The following TRAPPC9 variants were observed in gnomAD, a reference collection of about 807,000 sequenced individuals.
TRAPPC9 encodes trafficking protein particle complex subunit 9.
In TRAPPC9, 83 loss-of-function variants were observed where a neutral mutation model predicts 124.0. The ratio of observed to expected loss-of-function variants is 0.67; its 90% CI spans 0.56 to 0.80. TRAPPC9 has a LOEUF of 0.80. Among genes scored for constraint, TRAPPC9 ranks in the 30% least tolerant of loss-of-function variants. TRAPPC9 has a pLI of 0.00. For missense variants in TRAPPC9, 1,302 were observed against 1,508.3 expected, an observed-to-expected ratio of 0.86 and a Z score of 2.27; for synonymous variants, 638 against 617.5, an observed-to-expected ratio of 1.03 and a Z score of -0.49.
chr8:140,372,557 T>C (rs2068313618), intron 7 of TRAPPC9, among the ~76,000 whole-genome samples: 1 of 152,198 alleles, frequency 6.6e-6, no homozygotes. Context: ...ACGGTTTGAA[T>C]GTTTGTGCCT....
chr8:140,028,933 C>T (rs1840325381), intron 17 of TRAPPC9, among the ~76,000 whole-genome samples: 1 of 152,146 alleles, frequency 6.6e-6, no homozygotes, highest in Non-Finnish European at 1.5e-5. Flanking sequence ...AACAACTATA[C>T]TAAAACCTAC....
chr8:140,359,356 C>T (rs1041836881), intron 9 of TRAPPC9, among the ~76,000 whole-genome samples: 2 of 152,200 alleles, frequency 1.3e-5, no homozygotes, highest in Admixed American at 6.5e-5. Context: ...TTTGGGGCAG[C>T]TGAGCCCCAA....
chr8:139,734,023 C>A (rs577372187), intron 21 of TRAPPC9, among the ~76,000 whole-genome samples: 3 of 152,230 alleles, frequency 2.0e-5, no homozygotes, highest in Admixed American at 1.3e-4. Flanking sequence ...AGACCCCAAG[C>A]CACTCTTTCG....
At chr8:139,767,689 C>G (rs1344231927) in intron 21 of TRAPPC9, among the ~76,000 whole-genome samples, 1 of 152,222 alleles carries the variant, frequency 6.6e-6, no homozygotes, top group Non-Finnish European at 1.5e-5. Flanking sequence ...AAATAACAAG[C>G]AGGACAAGCA....
chr8:140,170,523 T>C (rs929394284), intron 17 of TRAPPC9, among the ~76,000 whole-genome samples: 3 of 152,102 alleles, frequency 2.0e-5, no homozygotes, highest in Non-Finnish European at 4.4e-5. Context: ...GGTAGAAAAA[T>C]AGTCTTTACC....
chr8:140,129,305 G>A (rs2061159795), intron 17 of TRAPPC9, among the ~76,000 whole-genome samples: 1 of 152,122 alleles, frequency 6.6e-6, no homozygotes. Flanking sequence ...CACCGACTGA[G>A]GAGGATGCCC....
chr8:140,186,200 G>A (rs936623413), intron 17 of TRAPPC9, among the ~76,000 whole-genome samples: 1 of 152,182 alleles, frequency 6.6e-6, no homozygotes, highest in African/African-American at 2.4e-5. Context: ...CCCCATTAAA[G>A]AATTTCTATA....
intron 17 of TRAPPC9, among the ~76,000 whole-genome samples, chr8:140,116,809 C>T (rs545423843): frequency 9.2e-5 from 14 of 151,998 alleles, no homozygotes; most frequent in African/African-American, 3.1e-4. Context: ...GCAGCAGCGA[C>T]GGTGGGGCTG....
intron 17 of TRAPPC9, among the ~76,000 whole-genome samples, chr8:140,153,318 C>T (rs1587818401): frequency 6.6e-6 from 1 of 152,194 alleles, no homozygotes; most frequent in Admixed American, 6.5e-5. Context: ...TACTTCTTCC[C>T]TCCATGATTT....
At chr8:140,378,340 C>T (rs2068506123) in intron 7 of TRAPPC9, among the ~76,000 whole-genome samples, 1 of 152,152 alleles carries the variant, frequency 6.6e-6, no homozygotes, top group Non-Finnish European at 1.5e-5. Flanking sequence ...ACCCACACTT[C>T]ATCTGCTGCC....
chr8:140,439,227 T>C, intron 2 of TRAPPC9, 30 bp from the exon 3 acceptor site: 1 of 1,612,580 alleles, frequency 6.2e-7, no homozygotes, highest in Non-Finnish European at 8.5e-7. Flanking sequence ...GTATCTTTAT[T>C]ACTATACAAC....
intron 14 of TRAPPC9, among the ~76,000 whole-genome samples, chr8:140,280,988 G>A (rs527274318): frequency 1.3e-5 from 2 of 152,300 alleles, no homozygotes; most frequent in East Asian, 1.9e-4. Context: ...CCTTCATTGC[G>A]GAGTGGTGTT....
intron 17 of TRAPPC9, chr8:140,039,646 A>G (rs1344493771): frequency 2.6e-5 from 4 of 152,212 alleles, no homozygotes; most frequent in Non-Finnish European, 5.9e-5. Flanking sequence ...TTGATAAAAA[A>G]CTTGATGTAT....
At chr8:140,049,420 C>T (rs553394279) in intron 17 of TRAPPC9, among the ~76,000 whole-genome samples, 89 of 152,222 alleles carry the variant, frequency 5.8e-4, no homozygotes, top group Admixed American at 1.8e-3. Flanking sequence ...TGCTATTGTA[C>T]CCGGGCTCCT....
rs183594423 is a variant in TRAPPC9, at chr8:140,340,482, G to A, written c.1495+19568C>T. On this transcript the variant is annotated intron_variant, in intron 9 of 22. Coordinates refer to ENST00000438773, the MANE Select transcript of TRAPPC9 (RefSeq NM_001160372.4). ...ACTGCCCACCTGCCTAGTGGGTGAA[G>A]TAAGCAAACACACCAGCACTGTTGA... Among the ~76,000 whole-genome samples, 452 of 152,348 alleles carry A rather than the reference G, an allele frequency of 3.0e-3. 3 individuals are homozygous for A. Among genetic ancestry groups the A allele is most frequent in the South Asian group, 0.016 (78 of 4,824 alleles).
chr8:140,285,550 C>A (rs2065458501), intron 13 of TRAPPC9, among the ~76,000 whole-genome samples: 1 of 152,166 alleles, frequency 6.6e-6, no homozygotes, highest in Non-Finnish European at 1.5e-5. Flanking sequence ...TGTGTAAGAA[C>A]CCAGGTCGGC....
chr8:140,361,969 CA>C (rs1176068703), intron 8 of TRAPPC9, among the ~76,000 whole-genome samples: 1 of 152,150 alleles, frequency 6.6e-6, no homozygotes, highest in Admixed American at 6.5e-5. Context: ...GACGTTGCTC[CA>C]AGGGTTCCAC....
intron 9 of TRAPPC9, among the ~76,000 whole-genome samples, chr8:140,351,053 T>C (rs2067554064): frequency 6.6e-6 from 1 of 151,320 alleles, no homozygotes; most frequent in Non-Finnish European, 1.5e-5. Context: ...TGGCTGGGCC[T>C]CTCAACGAAT....
Position 140,028,786 on chromosome 8 carries a change from T to A in TRAPPC9, c.2557-4707A>T, listed in dbSNP as rs950990366. On this transcript the variant is annotated intron_variant, in intron 17 of 22. Coordinates refer to ENST00000438773, the MANE Select transcript of TRAPPC9 (RefSeq NM_001160372.4). Reference sequence around the variant, plus strand: ...CACGTTGTGTCATGGATAAGTGTATTAGAATATATGAGAATACAGGAGGAG... The same window carrying A: ...CACGTTGTGTCATGGATAAGTGTATAAGAATATATGAGAATACAGGAGGAG... Among the ~76,000 whole-genome samples the A allele has an allele frequency of 2.2e-4, 33 of 152,270 alleles. 1 individual carries two copies. In the Middle Eastern group the frequency reaches 0.014, roughly 63 times the overall value.
Sources: gnomAD v4.1 joint callset for allele counts (sites outside exome capture counted in the v4.1 genomes callset) on GRCh38, gnomAD v4.1.1 for gene constraint, MANE v1.5 for transcripts, NCBI Gene and HGNC (gene_info 2026-07-23, HGNC 2026-07-21) for gene names.